Variants in CALN1 observed in about 807,000 individuals in gnomAD.
The protein encoded by CALN1 is calneuron 1.
A neutral mutation model predicts 30.6 loss-of-function variants in CALN1; 17 were observed. That is an observed-to-expected ratio of 0.56 (90% CI 0.38 to 0.83). The LOEUF is 0.83. CALN1 is among the 40% of genes least tolerant of loss of function. The pLI is 0.00. For synonymous variants in CALN1, 156 were observed against 131.4 expected, an observed-to-expected ratio of 1.19 and a Z score of -1.28; for missense variants, 291 against 354.9, an observed-to-expected ratio of 0.82 and a Z score of 1.45.
chr7:72,228,752 T>C (rs1793866772), intron 3 of CALN1, among the ~76,000 whole-genome samples: 2 of 42,932 alleles, frequency 4.7e-5, no homozygotes, highest in African/African-American at 1.1e-4. Context: ...TTTATTTATT[T>C]ATTTATTTAT....
intron 2 of CALN1, among the ~76,000 whole-genome samples, chr7:72,318,658 A>G (rs1800655285): frequency 6.8e-6 from 1 of 146,558 alleles, no homozygotes; most frequent in African/African-American, 2.5e-5. Flanking sequence ...CTCCTGCCTC[A>G]GTCTCCTGAG....
At chr7:72,341,292 G>A (rs145579140) in intron 2 of CALN1, among the ~76,000 whole-genome samples, 74 of 152,352 alleles carry the variant, frequency 4.9e-4, no homozygotes, top group Non-Finnish European at 8.4e-4. Flanking sequence ...GGAAGCCGAG[G>A]CGGGTGGATC....
At chr7:72,061,796 C>CAA (rs1161510912) in intron 4 of CALN1, among the ~76,000 whole-genome samples, 141 of 84,932 alleles carry the variant, frequency 1.7e-3, no homozygotes, top group Non-Finnish European at 2.0e-3. Context: ...GACTCTGTCT[C>CAA]AAAAAAAAAA....
chr7:72,196,328 A>G (rs549508242), intron 3 of CALN1, among the ~76,000 whole-genome samples: 22 of 152,276 alleles, frequency 1.4e-4, no homozygotes, highest in African/African-American at 4.8e-4. Flanking sequence ...CATGTTGCCC[A>G]GGCTAGTCTC....
chr7:72,364,906 A>C (rs550250589), intron 2 of CALN1, among the ~76,000 whole-genome samples: 1 of 151,812 alleles, frequency 6.6e-6, no homozygotes, highest in East Asian at 1.9e-4. Flanking sequence ...ATGGTGGCAC[A>C]CACCTGCAAT....
rs55977265 is a variant in CALN1, at chr7:71,837,243, C to CAAAAAAAAAAAAAAAAAAAAAAAA, written c.502-26752_502-26751insTTTTTTTTTTTTTTTTTTTTTTTT. Among the ~76,000 whole-genome samples, 3 of 79,126 alleles carry CAAAAAAAAAAAAAAAAAAAAAAAA rather than the reference C, an allele frequency of 3.8e-5. 1 individual carries two copies. The highest frequency in any genetic ancestry group is 4.9e-5 in the African/African-American group (1 of 20,566). 51.9% of individuals were successfully genotyped at this position (79,126 alleles called of 152,430 possible). ...CGAAACTCCATCTCAAAAAAAAAGACAAAAAAAAAAAAAAAAAAAAAAGCC... is the reference window on the plus strand; with the variant it reads ...CGAAACTCCATCTCAAAAAAAAAGACAAAAAAAAAAAAAAAAAAAAAAAAAAAAAAAAAAAAAAAAAAAAAAGCC... On this transcript the variant is annotated intron_variant, in intron 5 of 6. Coordinates refer to ENST00000395275, the MANE Select transcript of CALN1 (RefSeq NM_031468.4).
chr7:72,160,305 G>A (rs1250125244), intron 3 of CALN1, among the ~76,000 whole-genome samples: 2 of 149,166 alleles, frequency 1.3e-5, no homozygotes, highest in Non-Finnish European at 3.0e-5. Context: ...TTTAAACAGA[G>A]TCTCGTTCTG....
chr7:71,933,554 C>T (rs147472156), intron 5 of CALN1, among the ~76,000 whole-genome samples: 15 of 152,228 alleles, frequency 9.9e-5, no homozygotes, highest in Non-Finnish European at 1.8e-4. Context: ...ACAACCACAC[C>T]GCTTCAACAT....
intron 2 of CALN1, among the ~76,000 whole-genome samples, chr7:72,287,799 G>A (rs529987316): frequency 2.1e-4 from 32 of 152,054 alleles, no homozygotes; most frequent in Middle Eastern, 3.4e-3. Flanking sequence ...TTACACAATC[G>A]ATGGAAAAGT....
chr7:72,456,311 C>A, the CALN1 span, among the ~76,000 whole-genome samples: 1 of 151,812 alleles, frequency 6.6e-6, no homozygotes, highest in Admixed American at 6.6e-5. Flanking sequence ...TCACTCGAGG[C>A]CAGGAGTTCT....
At chr7:71,885,262 T>C (rs71551229) in intron 5 of CALN1, among the ~76,000 whole-genome samples, 17,446 of 152,170 alleles carry the variant, frequency 0.11, 1,453 homozygotes, top group East Asian at 0.43. Flanking sequence ...CACCATTCTC[T>C]TGCCTCAGCC....
Position 72,221,368 on chromosome 7 carries a change from A to T in CALN1, c.244+57318T>A, listed in dbSNP as rs894381831. ...GGTATCTATCTGTTGCCCAGGCTGG[A>T]GTGCAGTGGCGTGATTTTGGCTCAC... On this transcript the variant is annotated intron_variant, in intron 3 of 6. Coordinates refer to ENST00000395275, the MANE Select transcript of CALN1 (RefSeq NM_031468.4). Among the ~76,000 whole-genome samples the T allele has an allele frequency of 3.3e-5, 4 of 122,788 alleles. No individual in the cohort carries two copies. In the Admixed American group the frequency reaches 3.3e-4, roughly 10 times the overall value. 80.6% of individuals were successfully genotyped at this position (122,788 alleles called of 152,430 possible).
At chr7:71,994,511 C>CAAAAAAAACAAA (rs1799139380) in intron 5 of CALN1, among the ~76,000 whole-genome samples, 1 of 44,056 alleles carries the variant, frequency 2.3e-5, no homozygotes, top group African/African-American at 8.5e-5. Flanking sequence ...GACTTCATCT[C>CAAAAAAAACAAA]AAAAAAAAAA....
At chr7:71,946,025 G>A (rs916666394) in intron 5 of CALN1, among the ~76,000 whole-genome samples, 2 of 152,190 alleles carry the variant, frequency 1.3e-5, no homozygotes, top group African/African-American at 4.8e-5. Flanking sequence ...GCTCAGCAGA[G>A]GCATGGGGTG....
intron 5 of CALN1, among the ~76,000 whole-genome samples, chr7:71,855,232 T>C (rs1158383643): frequency 6.6e-6 from 1 of 152,184 alleles, no homozygotes; most frequent in African/African-American, 2.4e-5. Context: ...CGAGTGCTGA[T>C]TACAGATGCA....
At chr7:72,166,855 C>A (rs959911185) in intron 3 of CALN1, among the ~76,000 whole-genome samples, 1 of 152,106 alleles carries the variant, frequency 6.6e-6, no homozygotes, top group Admixed American at 6.5e-5. Context: ...CCAGCTTGGG[C>A]AACATGGTGA....
At chr7:72,148,982 G>GAGGGAGGGAGGAAGGA (rs1403917869) in intron 3 of CALN1, among the ~76,000 whole-genome samples, 3 of 143,270 alleles carry the variant, frequency 2.1e-5, no homozygotes, top group African/African-American at 7.6e-5. Flanking sequence ...GGGAGGGAGG[G>GAGGGAGGGAGGAAGGA]AGGAAGGAAG....
intron 1 of CALN1, among the ~76,000 whole-genome samples, chr7:72,431,083 C>T (rs1011590776): frequency 3.3e-5 from 5 of 151,436 alleles, no homozygotes; most frequent in Non-Finnish European, 7.4e-5. Flanking sequence ...GCCTGTGCCA[C>T]CACACCCGGC....
intron 5 of CALN1, among the ~76,000 whole-genome samples, chr7:72,004,829 C>T (rs1278354474): frequency 6.6e-6 from 1 of 151,984 alleles, no homozygotes; most frequent in African/African-American, 2.4e-5. Context: ...AACAACTAAC[C>T]AATTAGAATA....
Sources: gnomAD v4.1 joint callset for allele counts (sites outside exome capture counted in the v4.1 genomes callset) on GRCh38, gnomAD v4.1.1 for gene constraint, MANE v1.5 for transcripts, NCBI Gene and HGNC (gene_info 2026-07-23, HGNC 2026-07-21) for gene names.